FBXO25: variants seen among roughly 807,000 people sequenced by gnomAD.
The protein encoded by FBXO25 is F-box only protein 25.
In FBXO25, 45 loss-of-function variants were observed where a neutral mutation model predicts 51.9. The ratio of observed to expected loss-of-function variants is 0.87; its 90% CI spans 0.68 to 1.11. FBXO25 has a LOEUF of 1.11. Ranked by LOEUF, FBXO25 falls within the 50% of genes most tolerant of loss-of-function variation. The pLI is 0.00. For missense variants in FBXO25, 507 were observed against 428.5 expected, an observed-to-expected ratio of 1.18 and a Z score of -1.62; for synonymous variants, 199 against 151.0, an observed-to-expected ratio of 1.32 and a Z score of -2.33.
chr8:473,293 T>C lies in FBXO25; in HGVS notation c.*4489T>C, dbSNP rs948747968. On this transcript the variant is annotated 3_prime_UTR_variant, in exon 10 of 10. Transcript: ENST00000350302. ...CAGAATTTCAGCAGGAACTGCATCA[T>C]TGTGTGCCTAAAAAGCCCTGGCTCA... The C allele has an allele frequency of 6.6e-6, 1 of 152,168 alleles. No individual in the cohort carries two copies. The highest frequency in any genetic ancestry group is 1.5e-5 in the Non-Finnish European group (1 of 68,108). 9.4% of individuals were successfully genotyped at this position (152,168 alleles called of 1,614,324 possible).
At chr8:444,941 T>G (rs1339858554) in intron 5 of FBXO25, among the ~76,000 whole-genome samples, 1 of 152,240 alleles carries the variant, frequency 6.6e-6, no homozygotes, top group Non-Finnish European at 1.5e-5. Context: ...TGTATCCCCC[T>G]TGTTAAGCGA....
intron 5 of FBXO25, among the ~76,000 whole-genome samples, chr8:438,314 C>T (rs561535095): frequency 3.3e-4 from 51 of 152,306 alleles, no homozygotes; most frequent in African/African-American, 1.1e-3. Flanking sequence ...CTGCCTCGGC[C>T]TCCCAAAGTG....
At chr8:443,113 T>C (rs557657168) in intron 5 of FBXO25, among the ~76,000 whole-genome samples, 1 of 151,244 alleles carries the variant, frequency 6.6e-6, no homozygotes, top group Non-Finnish European at 1.5e-5. Context: ...TTGAATTAAA[T>C]TTGACCTTGT....
At chr8:416,452 G>A (rs936315103) in intron 2 of FBXO25, among the ~76,000 whole-genome samples, 3 of 152,228 alleles carry the variant, frequency 2.0e-5, no homozygotes, top group African/African-American at 7.2e-5. Context: ...TCCGAACAGA[G>A]GCTTATTTTT....
chr8:411,395 C>T (rs569376320), intron 1 of FBXO25, among the ~76,000 whole-genome samples: 2 of 152,162 alleles, frequency 1.3e-5, no homozygotes, highest in Non-Finnish European at 2.9e-5. Flanking sequence ...TTATATCTGC[C>T]GATCCCTTAA....
At chr8:410,228 G>A (rs1796407989) in intron 1 of FBXO25, among the ~76,000 whole-genome samples, 1 of 152,118 alleles carries the variant, frequency 6.6e-6, no homozygotes. Context: ...ATATCTACAT[G>A]TAAACACACT....
Position 477,354 on chromosome 8 carries a change from A to C in FBXO25, c.*8550A>C, listed in dbSNP as rs143819210. 6.6e-6 allele frequency: 1 copy of C among 152,324 alleles called. No homozygotes were observed. Among genetic ancestry groups the C allele is most frequent in the African/African-American group, 2.4e-5 (1 of 41,570 alleles). 9.4% of individuals were successfully genotyped at this position (152,324 alleles called of 1,614,324 possible). A position where few individuals can be genotyped will look rare whatever the true frequency, so the allele number is the denominator to read the frequency against. On this transcript the variant is annotated 3_prime_UTR_variant, in exon 10 of 10. Coordinates refer to ENST00000350302, the MANE Select transcript of FBXO25 (RefSeq NM_183420.2). The stretch of plus-strand genomic sequence containing the variant: ...TCCTATCCGTTACTGAAAGTGGGCT[A>C]CTGCAGTCTCCTACTCTTACTGTAG...
chr8:463,804 T>A (rs1244588534), intron 9 of FBXO25, among the ~76,000 whole-genome samples: 2 of 152,150 alleles, frequency 1.3e-5, no homozygotes, highest in Non-Finnish European at 2.9e-5. Context: ...GGTAACTGCT[T>A]ATTTCTTTGT....
At chr8:440,598 T>A (rs1798367740) in intron 5 of FBXO25, among the ~76,000 whole-genome samples, 1 of 151,958 alleles carries the variant, frequency 6.6e-6, no homozygotes, top group Admixed American at 6.6e-5. Flanking sequence ...TTAAATTTTT[T>A]AAATTATACT....
Position 461,665 on chromosome 8 carries a change from T to TCCTAGCCC in FBXO25, c.844-1341_844-1340insCTAGCCCC, listed in dbSNP as rs1585100313. Among the ~76,000 whole-genome samples, 16 of 152,250 alleles carry TCCTAGCCC rather than the reference T, an allele frequency of 1.1e-4. No homozygotes were observed. The East Asian group carries it at 3.1e-3, about 29-fold the overall frequency. Reference sequence around the variant, plus strand: ...AACAAAACAAAACAAAACATGCCCTTCAGCTGCCATTCCTAGCCCCAAGCA... The same window carrying TCCTAGCCC: ...AACAAAACAAAACAAAACATGCCCTTCCTAGCCCCAGCTGCCATTCCTAGCCCCAAGCA... On this transcript the variant is annotated intron_variant, in intron 8 of 9. Transcript: ENST00000350302.
At chr8:446,557 A>G (rs1024823573) in intron 5 of FBXO25, among the ~76,000 whole-genome samples, 2 of 151,910 alleles carry the variant, frequency 1.3e-5, no homozygotes, top group East Asian at 1.9e-4. Flanking sequence ...GTTGGCCTGA[A>G]TCCTTTGTCT....
intron 3 of FBXO25, 33 bp from the exon 4 acceptor site, chr8:432,853 A>C (rs751912851): frequency 5.3e-6 from 8 of 1,518,164 alleles, no homozygotes; most frequent in Non-Finnish European, 7.0e-6. Context: ...ATGATTTGCC[A>C]GATTTTAAAA....
chr8:464,321 T>G (rs571610006), intron 9 of FBXO25, among the ~76,000 whole-genome samples: 2 of 142,088 alleles, frequency 1.4e-5, no homozygotes, highest in South Asian at 4.3e-4. Flanking sequence ...ATGGTTTGCC[T>G]TGCGTTTGAA....
At chr8:436,106 G>A (rs895150984) in intron 5 of FBXO25, among the ~76,000 whole-genome samples, 6 of 152,192 alleles carry the variant, frequency 3.9e-5, no homozygotes, top group East Asian at 1.9e-4. Flanking sequence ...GGCTTGTGTC[G>A]CAGAGGAAGA....
intron 9 of FBXO25, among the ~76,000 whole-genome samples, chr8:466,621 C>T (rs193083437): frequency 2.5e-4 from 38 of 152,340 alleles, no homozygotes; most frequent in African/African-American, 9.1e-4. Context: ...GCATCTGTCT[C>T]AGGTCTGCAT....
chr8:413,511 C>T (rs1796612469), intron 2 of FBXO25, among the ~76,000 whole-genome samples: 1 of 152,020 alleles, frequency 6.6e-6, no homozygotes, highest in African/African-American at 2.4e-5. Flanking sequence ...TTGAAATGCA[C>T]AGTTTTGGTG....
intron 7 of FBXO25, among the ~76,000 whole-genome samples, chr8:452,973 TG>T (rs139389214): frequency 0.03 from 4,531 of 152,164 alleles, 198 homozygotes; most frequent in African/African-American, 0.09. Flanking sequence ...GGGATAATAG[TG>T]CATGTGGCCC....
rs6996128 is a variant in FBXO25 at position 474,925 on chromosome 8, T to C, written c.*6121T>C. 4.4e-6 allele frequency: 2 copies of C among 455,336 alleles called. No individual in the cohort carries two copies. The highest frequency in any genetic ancestry group is 2.4e-5 in the Admixed American group (1 of 42,382). The allele number at this position is 455,336 out of a possible 1,614,324, so 28.2% of individuals were successfully genotyped here. A position where few individuals can be genotyped will look rare whatever the true frequency, so the allele number is the denominator to read the frequency against. ...TCAGATATATCATTTTAAAATACTTTGTCCCATTCCGTGGATTGCCTTTCA... is the reference window on the plus strand; with the variant it reads ...TCAGATATATCATTTTAAAATACTTCGTCCCATTCCGTGGATTGCCTTTCA... On this transcript the variant is annotated 3_prime_UTR_variant, in exon 10 of 10. Coordinates refer to ENST00000350302, the MANE Select transcript of FBXO25 (RefSeq NM_183420.2).
At chr8:439,505 G>A (rs1798297792) in intron 5 of FBXO25, among the ~76,000 whole-genome samples, 1 of 152,206 alleles carries the variant, frequency 6.6e-6, no homozygotes. Context: ...CTCTGCCTGT[G>A]GTGGACCAAT....
Sources: allele counts gnomAD v4.1 joint callset (sites outside exome capture counted in the v4.1 genomes callset), GRCh38; gene constraint gnomAD v4.1.1; transcripts MANE v1.5; gene names NCBI Gene and HGNC (gene_info 2026-07-23, HGNC 2026-07-21).